Variants in MBTPS1 observed in about 807,000 individuals in gnomAD.
MBTPS1 encodes membrane-bound transcription factor site-1 protease.
A neutral mutation model predicts 127.8 loss-of-function variants in MBTPS1; 94 were observed. The observed-to-expected ratio is 0.74, with a 90% CI of 0.62 to 0.87. The LOEUF is 0.87. Ranked by LOEUF, MBTPS1 falls within the 40% of genes least tolerant of loss-of-function variation. MBTPS1 has a pLI of 0.00. For missense variants in MBTPS1, 1,636 were observed against 1,353.2 expected (o/e 1.21, Z -3.28); for synonymous variants, 632 against 509.4 (o/e 1.24, Z -3.24).
At chr16:84,094,877 G>C (rs1029923361) in intron 4 of MBTPS1, among the ~76,000 whole-genome samples, 3 of 152,176 alleles carry the variant, frequency 2.0e-5, no homozygotes, top group Admixed American at 6.5e-5. Flanking sequence ...GATCAAAGGA[G>C]AGGTAAGGGT....
chr16:84,059,347 C>T lies in MBTPS1; in HGVS notation c.2786G>A (p.Arg929His), dbSNP rs771007151. The change falls in exon 21 of 23, where the codon CGC becomes CAC. Residue 929 changes from arginine to histidine, a missense_variant. By Grantham distance (29) the Arg-to-His change is conservative. Coordinates refer to ENST00000343411, the MANE Select transcript of MBTPS1 (RefSeq NM_003791.4). ...PKPRPLPACPRLSWAKPQPLN... is the reference protein window; with the variant it reads ...PKPRPLPACPHLSWAKPQPLN... ...AGGCTGTGGCTTGGCCCAAGACAAG[C>T]GTGGACAGGCTGGTAGAGGCCGAGG... The T allele has an allele frequency of 1.1e-5, 18 of 1,613,992 alleles. No homozygotes were observed. Among genetic ancestry groups the T allele is most frequent in the South Asian group, 5.5e-5 (5 of 91,080 alleles).
intron 11 of MBTPS1, among the ~76,000 whole-genome samples, chr16:84,081,349 G>C (rs1277144258): frequency 6.6e-6 from 1 of 152,242 alleles, no homozygotes; most frequent in African/African-American, 2.4e-5. Flanking sequence ...GTCAGTGTTT[G>C]TATGACAGTT....
Position 84,074,626 on chromosome 16 carries a change from T to C in MBTPS1, c.1564A>G (p.Met522Val), listed in dbSNP as rs1267396357. 1 of 1,614,018 alleles carries C rather than the reference T, an allele frequency of 6.2e-7. No individual in the cohort carries two copies. ...TCTACAATTCTTCCTGTGACTCCCA[T>C]GCCGTTGAGGATGGTGACATTAACA... ...TVVNVTILNG[M>V]GVTGRIVDKP... The change falls in exon 12 of 23, where the codon ATG becomes GTG. Residue 522 changes from methionine to valine, a missense_variant. Coordinates refer to ENST00000343411, the MANE Select transcript of MBTPS1 (RefSeq NM_003791.4).
chr16:84,071,923 G>A (rs1420480217), intron 12 of MBTPS1: 1 of 152,112 alleles, frequency 6.6e-6, no homozygotes, highest in Admixed American at 6.5e-5. Flanking sequence ...CGAAATCAAC[G>A]TGTAACTCAT....
At chr16:84,076,145 A>C (rs2151152414) in intron 11 of MBTPS1, among the ~76,000 whole-genome samples, 1 of 152,344 alleles carries the variant, frequency 6.6e-6, no homozygotes, top group Admixed American at 6.5e-5. Flanking sequence ...TTAATATCAT[A>C]AACCATATAT....
chr16:84,090,218 G>A (rs763367355), intron 8 of MBTPS1, among the ~76,000 whole-genome samples: 3 of 152,162 alleles, frequency 2.0e-5, no homozygotes, highest in Non-Finnish European at 4.4e-5. Context: ...ATAAAATGAA[G>A]CTGCTGGTGG....
chr16:84,073,798 A>C (rs1319186984), intron 12 of MBTPS1, among the ~76,000 whole-genome samples: 4 of 152,172 alleles, frequency 2.6e-5, no homozygotes, highest in Admixed American at 6.5e-5. Flanking sequence ...TGAAGTCAGG[A>C]ATTCGAGACC....
rs1441942512 is a variant in MBTPS1, at chr16:84,093,711, C to G, written c.736G>C (p.Gly246Arg). ...NWTNERTLDD[G>R]LGHGTFVAGV... is the part of the protein sequence containing the mutation. ...CGTTCTCACTGCTGCTGAGACCCAC[C>G]ATCGTCCAGCGTTCGCTCGTTGGTC... The change falls in exon 5 of 23, where the codon GGG becomes CGG. Residue 246 changes from glycine (G) to arginine (R), a missense_variant and splice_region_variant. Physicochemically the swap from Gly to Arg is moderately radical, Grantham distance 125. Coordinates refer to ENST00000343411, the MANE Select transcript of MBTPS1 (RefSeq NM_003791.4). 6.2e-7 allele frequency: 1 copy of G among 1,608,602 alleles called. No homozygotes were observed. Among genetic ancestry groups the G allele is most frequent in the Non-Finnish European group, 8.5e-7 (1 of 1,175,162 alleles).
chr16:84,102,947 G>C (rs1360137726), intron 1 of MBTPS1, among the ~76,000 whole-genome samples: 1 of 152,174 alleles, frequency 6.6e-6, no homozygotes, highest in African/African-American at 2.4e-5. Flanking sequence ...TATAAAACCA[G>C]ATTATCTCTT....
At chr16:84,091,073 G>A (rs2086099148) in intron 7 of MBTPS1, 131 bp from the exon 8 acceptor site, 12 of 719,648 alleles carry the variant, frequency 1.7e-5, no homozygotes, top group South Asian at 3.5e-5. Context: ...TTATAAAGGC[G>A]GATGTGCTGG....
chr16:84,069,726 A>G lies in MBTPS1; in HGVS notation c.1955+140T>C, dbSNP rs1314905411. The G allele has an allele frequency of 6.3e-6, 5 of 790,566 alleles. No homozygotes were observed. The African/African-American group carries it at 7.0e-5, about 11-fold the overall frequency. The allele number at this position is 790,566 out of a possible 1,614,324, so 49.0% of individuals were successfully genotyped here. A position where few individuals can be genotyped will look rare whatever the true frequency, so the allele number is the denominator to read the frequency against. On this transcript the variant is annotated intron_variant, in intron 14 of 22. Coordinates refer to ENST00000343411, the MANE Select transcript of MBTPS1 (RefSeq NM_003791.4). ...GTCAGGCTGCCCTAAGTGCATGGCA[A>G]AAGCCTGAACATCTCAGCGTCATCA...
At chr16:84,073,070 A>G (rs561047116) in intron 12 of MBTPS1, among the ~76,000 whole-genome samples, 1 of 152,378 alleles carries the variant, frequency 6.6e-6, no homozygotes, top group East Asian at 1.9e-4. Context: ...TAGCAAACAA[A>G]TTATAATTTA....
At chr16:84,068,267 A>G (rs2085718597) in intron 15 of MBTPS1, 72 bp downstream of exon 15, 1 of 1,048,280 alleles carries the variant, frequency 9.5e-7, no homozygotes, top group South Asian at 1.3e-5. Flanking sequence ...ACTGGGATTC[A>G]CTCCTCAGAC....
intron 20 of MBTPS1, chr16:84,060,461 G>A: frequency 2.0e-6 from 1 of 506,674 alleles, no homozygotes; most frequent in South Asian, 2.7e-5. Flanking sequence ...TGGGAAAGCA[G>A]CTGCACACTG....
In MBTPS1 at chr16:84,090,900, T is replaced by C. The variant is rs1305446076; in HGVS notation, c.1006A>G (p.Ile336Val). The C allele has an allele frequency of 3.1e-6, 5 of 1,612,808 alleles. No homozygotes were observed. The highest frequency in any genetic ancestry group is 1.7e-5 in the Admixed American group (1 of 59,884). Residue 336 changes from isoleucine to valine, a missense_variant, in exon 8 of 23, where the codon ATT becomes GTT. Coordinates refer to ENST00000343411, the MANE Select transcript of MBTPS1 (RefSeq NM_003791.4). ...TANNVIMVSA[I>V]GNDGPLYGTL... ...CCATAAAGAGGTCCGTCATTGCCAA[T>C]AGCAGAAACCATGATTACATTGTTA...
At chr16:84,076,954 A>G (rs1197768137) in intron 11 of MBTPS1, among the ~76,000 whole-genome samples, 1 of 152,202 alleles carries the variant, frequency 6.6e-6, no homozygotes, top group Admixed American at 6.5e-5. Flanking sequence ...GGCCGGGTGA[A>G]GTGACTCACG....
chr16:84,095,493 G>A, intron 4 of MBTPS1, 109 bp downstream of exon 4: 4 of 1,179,958 alleles, frequency 3.4e-6, no homozygotes, highest in Non-Finnish European at 4.9e-6. Flanking sequence ...TTAGCACTAG[G>A]CAGTCCCGAA....
In MBTPS1 at chr16:84,106,023, G is replaced by A. The variant is rs543414857; in HGVS notation, c.-324-3916C>T. Among the ~76,000 whole-genome samples the A allele has an allele frequency of 3.3e-5, 5 of 152,204 alleles. No individual in the cohort carries two copies. In the South Asian group the frequency reaches 6.2e-4, roughly 19 times the overall value. On this transcript the variant is annotated intron_variant, in intron 1 of 22. Transcript: ENST00000343411. ...GGAAGGAGAGAAAACAGCTAGGCAC[G>A]ATGGGTCACACCTGTAATCTCAGCA...
rs370199960 is a variant in MBTPS1, at chr16:84,063,569, T to C, written c.2432-124A>G. On this transcript the variant is annotated intron_variant, in intron 18 of 22. Coordinates refer to ENST00000343411, the MANE Select transcript of MBTPS1 (RefSeq NM_003791.4). ...CAAAATCTAATATTCAATTAAAACA[T>C]TGCAAATTTTTAGAATAGAAAAGCC... 8.9e-4 allele frequency: 812 copies of C among 909,680 alleles called. 5 individuals carry two copies. In the African/African-American group the frequency reaches 0.012, roughly 13 times the overall value. The allele number at this position is 909,680 out of a possible 1,614,324, so 56.4% of individuals were successfully genotyped here.
Sources: gnomAD v4.1 joint callset for allele counts (sites outside exome capture counted in the v4.1 genomes callset) on GRCh38, gnomAD v4.1.1 for gene constraint, MANE v1.5 for transcripts, NCBI Gene and HGNC (gene_info 2026-07-23, HGNC 2026-07-21) for gene names.